TIAM1: variants seen among roughly 807,000 people sequenced by gnomAD.
The protein encoded by TIAM1 is rho guanine nucleotide exchange factor TIAM1.
TIAM1 carries 65 observed loss-of-function variants against 163.5 expected under a neutral mutation model. The ratio of observed to expected loss-of-function variants is 0.40; its 90% CI spans 0.33 to 0.49. The LOEUF (loss-of-function observed/expected upper bound fraction) is 0.49, where lower values mean the gene tolerates loss of function less well. Ranked by LOEUF, TIAM1 falls within the 20% of genes least tolerant of loss-of-function variation. TIAM1 has a pLI of 0.77. For synonymous variants in TIAM1, 833 were observed against 810.1 expected, an observed-to-expected ratio of 1.03 and a Z score of -0.48; for missense variants, 1,789 against 2,044.7, an observed-to-expected ratio of 0.87 and a Z score of 2.41.
intron 5 of TIAM1, among the ~76,000 whole-genome samples, chr21:31,251,508 A>C (rs1352582741): frequency 6.6e-6 from 1 of 152,204 alleles, no homozygotes; most frequent in African/African-American, 2.4e-5. Context: ...GATTCTAGAA[A>C]TCTGCCTTAC....
chr21:31,523,878 A>T (rs1602486997), intron 1 of TIAM1, among the ~76,000 whole-genome samples: 2 of 150,898 alleles, frequency 1.3e-5, no homozygotes, highest in Non-Finnish European at 2.9e-5. Flanking sequence ...AGATCGCGCC[A>T]CTGCACTCCA....
intron 11 of TIAM1, among the ~76,000 whole-genome samples, chr21:31,205,229 C>A (rs1368116441): frequency 6.6e-6 from 1 of 152,216 alleles, no homozygotes; most frequent in Admixed American, 6.5e-5. Context: ...TGGGTCCTCA[C>A]TGAAATCTTT....
intron 26 of TIAM1, among the ~76,000 whole-genome samples, chr21:31,125,307 G>A (rs549046991): frequency 1.3e-5 from 2 of 151,540 alleles, no homozygotes; most frequent in African/African-American, 2.4e-5. Flanking sequence ...GTTTTACCTG[G>A]TATTCCCTAT....
intron 1 of TIAM1, among the ~76,000 whole-genome samples, chr21:31,526,909 C>G (rs2047805509): frequency 6.6e-6 from 1 of 152,110 alleles, no homozygotes; most frequent in Non-Finnish European, 1.5e-5. Flanking sequence ...GCCATGTTGA[C>G]CAGGCTGGTC....
intron 2 of TIAM1, among the ~76,000 whole-genome samples, chr21:31,427,262 G>A (rs113855023): frequency 0.039 from 5,968 of 152,190 alleles, 381 homozygotes; most frequent in African/African-American, 0.13. Flanking sequence ...CAAGGTGGGC[G>A]GATCACGAGG....
rs2074561627 is a variant in TIAM1, at chr21:31,303,030, C to A, written c.-188-26122G>T. On this transcript the variant is annotated intron_variant, in intron 2 of 27. Transcript: ENST00000541036. ...TGATGTGTAAGTTGCTAGCTGTGAT[C>A]TTCATATCACTAAAACGAACAAGAT... 2.6e-5 allele frequency among the ~76,000 whole-genome samples: 4 copies of A among 152,142 alleles called. No individual in the cohort carries two copies. In the South Asian group the frequency reaches 6.2e-4, roughly 24 times the overall value.
intron 1 of TIAM1, among the ~76,000 whole-genome samples, chr21:31,530,154 C>G (rs2047926320): frequency 6.6e-6 from 1 of 152,236 alleles, no homozygotes; most frequent in African/African-American, 2.4e-5. Context: ...CCCAGGGCAA[C>G]CTCATCTGGG....
At chr21:31,298,927 A>C (rs1056130467) in intron 2 of TIAM1, among the ~76,000 whole-genome samples, 1 of 152,182 alleles carries the variant, frequency 6.6e-6, no homozygotes, top group Non-Finnish European at 1.5e-5. Flanking sequence ...AGTCAGAGAA[A>C]GAAGCAAATA....
At chr21:31,402,047 T>C (rs1392391248) in intron 2 of TIAM1, among the ~76,000 whole-genome samples, 2 of 151,910 alleles carry the variant, frequency 1.3e-5, no homozygotes, top group African/African-American at 4.8e-5. Flanking sequence ...ACCCCGTCTC[T>C]ACTAAAATAC....
At chr21:31,488,826 G>C (rs2046360340) in intron 1 of TIAM1, among the ~76,000 whole-genome samples, 1 of 151,976 alleles carries the variant, frequency 6.6e-6, no homozygotes. Flanking sequence ...GGAAGGGAGA[G>C]GAGGAAAGAG....
chr21:31,141,347 G>A lies in TIAM1; in HGVS notation c.3633C>T (p.Ser1211=), dbSNP rs118189727. The A allele has an allele frequency of 1.7e-4, 272 of 1,614,188 alleles. No homozygotes were observed. The East Asian group carries it at 5.1e-3, about 30-fold the overall frequency. ...RELFALTDAE[S]EEHYHLDVAI... is the part of the protein sequence containing the mutation. ...TACCGTCCAGGTGGTAGTGCTCCTC[G>A]CTCTCCGCATCGGTCAGGGCGAACA... The change falls in exon 21 of 28, where the codon AGC becomes AGT. Residue 1211 remains serine, a synonymous_variant. Transcript: ENST00000541036. This position sits in a 1 kb window ranked among gnomAD's most constrained non-coding sequence, Gnocchi z 4.7.
rs576587692 is a variant in TIAM1, at chr21:31,341,277, G to A, written c.-368-1855C>T. On this transcript the variant is annotated intron_variant, in intron 1 of 27. Transcript: ENST00000541036. ...CCAGATCACATTTGGGGAAATACAA[G>A]TTCAGAGAGGTTAGGCAATTTTCCT... Among the ~76,000 whole-genome samples, 3 of 152,304 alleles carry A rather than the reference G, an allele frequency of 2.0e-5. No individual in the cohort carries two copies. The South Asian group carries it at 6.2e-4, about 32-fold the overall frequency.
chr21:31,400,284 A>G (rs962938445), intron 2 of TIAM1, among the ~76,000 whole-genome samples: 10 of 151,652 alleles, frequency 6.6e-5, no homozygotes, highest in African/African-American at 2.4e-4. Context: ...CCACCACCAC[A>G]CCCGGCAAAT....
At chr21:31,258,867 A>G (rs1335514837) in intron 4 of TIAM1, among the ~76,000 whole-genome samples, 1 of 151,850 alleles carries the variant, frequency 6.6e-6, no homozygotes, top group East Asian at 1.9e-4. Flanking sequence ...GGCCCAAGCT[A>G]GATACTCGGT....
At chr21:31,177,723 T>A (rs983783578) in intron 15 of TIAM1, among the ~76,000 whole-genome samples, 1 of 152,228 alleles carries the variant, frequency 6.6e-6, no homozygotes, top group African/African-American at 2.4e-5. Context: ...AACCTCTCTA[T>A]GAGAAAGCAG....
At chr21:31,409,492 A>G (rs1372109244) in intron 2 of TIAM1, among the ~76,000 whole-genome samples, 1 of 151,892 alleles carries the variant, frequency 6.6e-6, no homozygotes. Flanking sequence ...TGCTCCCCAC[A>G]TCTCTCTAGG....
intron 2 of TIAM1, among the ~76,000 whole-genome samples, chr21:31,434,940 G>C (rs1022168005): frequency 2.0e-5 from 3 of 152,206 alleles, no homozygotes; most frequent in African/African-American, 7.2e-5. Context: ...CTTAGTAAAC[G>C]AATGAAGTAT....
chr21:31,210,338 T>A, intron 10 of TIAM1, 123 bp from the exon 11 acceptor site: 2 of 1,007,224 alleles, frequency 2.0e-6, no homozygotes, highest in Non-Finnish European at 2.9e-6. Context: ...GCGGAGGCAG[T>A]GGTGGGAGGC....
chr21:31,474,547 T>C (rs1283735712), intron 1 of TIAM1, among the ~76,000 whole-genome samples: 1 of 12,988 alleles, frequency 7.7e-5, no homozygotes, highest in Non-Finnish European at 1.8e-4. Context: ...ACCTTTAGTC[T>C]TTTTTTTTTT....
Sources: allele counts gnomAD v4.1 joint callset (sites outside exome capture counted in the v4.1 genomes callset), GRCh38; gene constraint gnomAD v4.1.1; non-coding constraint Gnocchi (gnomAD v3.1); transcripts MANE v1.5; gene names NCBI Gene and HGNC (gene_info 2026-07-23, HGNC 2026-07-21).